The following GABPB1 variants were observed in gnomAD, a reference collection of about 807,000 sequenced individuals.
The protein encoded by GABPB1 is GA-binding protein subunit beta-1.
A neutral mutation model predicts 45.9 loss-of-function variants in GABPB1; 15 were observed. The ratio of observed to expected loss-of-function variants is 0.33; its 90% CI spans 0.22 to 0.50. The LOEUF (loss-of-function observed/expected upper bound fraction) is 0.50. GABPB1 is among the 20% of genes least tolerant of loss of function. The pLI is 0.98. For synonymous variants in GABPB1, 143 were observed against 154.4 expected, an observed-to-expected ratio of 0.93 and a Z score of 0.55; for missense variants, 252 against 457.5, an observed-to-expected ratio of 0.55 and a Z score of 4.10.
At chr15:50,318,269 G>C (rs1195060053) in intron 1 of GABPB1, among the ~76,000 whole-genome samples, 1 of 152,134 alleles carries the variant, frequency 6.6e-6, no homozygotes. Context: ...AAGAACACTA[G>C]GAATCTGCTG....
At chr15:50,281,442 A>T (rs1373903498) in intron 8 of GABPB1, among the ~76,000 whole-genome samples, 1 of 152,108 alleles carries the variant, frequency 6.6e-6, no homozygotes, top group Non-Finnish European at 1.5e-5. Flanking sequence ...CAATCTCCTG[A>T]CCTCGTGATC....
chr15:50,346,855 T>C (rs533357262), intron 1 of GABPB1, among the ~76,000 whole-genome samples: 3 of 148,738 alleles, frequency 2.0e-5, no homozygotes, highest in African/African-American at 5.0e-5. Context: ...TGGCGCCATC[T>C]CGGCTCACTG....
chr15:50,282,237 A>G, intron 8 of GABPB1: 1 of 452,438 alleles, frequency 2.2e-6, no homozygotes, highest in Non-Finnish European at 4.4e-6. Context: ...ACATACATAC[A>G]TAAAAACACT....
chr15:50,317,337 G>A, intron 1 of GABPB1, among the ~76,000 whole-genome samples: 1 of 150,174 alleles, frequency 6.7e-6, no homozygotes, highest in South Asian at 2.1e-4. Context: ...CCGGGAGGCA[G>A]AGGTTGCAGT....
intron 1 of GABPB1, chr15:50,352,792 G>C (rs1301080376): frequency 6.6e-6 from 1 of 152,224 alleles, no homozygotes; most frequent in Non-Finnish European, 1.5e-5. Flanking sequence ...TCAGACTACA[G>C]TTCACAGAAA....
intron 6 of GABPB1, among the ~76,000 whole-genome samples, chr15:50,298,381 C>A (rs1009901412): frequency 3.3e-5 from 5 of 152,156 alleles, no homozygotes; most frequent in African/African-American, 7.2e-5. Context: ...CCACCACACC[C>A]GGCCAGAGGT....
chr15:50,276,068 G>A lies in GABPB1; in HGVS notation c.*2564C>T, dbSNP rs757305612. 1.3e-5 allele frequency: 2 copies of A among 152,228 alleles called. No individual in the cohort carries two copies. The highest frequency in any genetic ancestry group is 2.4e-5 in the African/African-American group (1 of 41,462). The allele number at this position is 152,228 out of a possible 1,614,324, so 9.4% of individuals were successfully genotyped here. A position where few individuals can be genotyped will look rare whatever the true frequency, so the allele number is the denominator to read the frequency against. On this transcript the variant is annotated 3_prime_UTR_variant, in exon 9 of 9. Transcript: ENST00000380877. The stretch of plus-strand genomic sequence containing the variant: ...ATTACACCATAACACTAAATGGCTT[G>A]TCTTGCAGAACCCTGGTTGAGAAAG...
At chr15:50,294,384 C>A (rs762831531) in intron 6 of GABPB1, among the ~76,000 whole-genome samples, 1 of 151,878 alleles carries the variant, frequency 6.6e-6, no homozygotes, top group East Asian at 1.9e-4. Flanking sequence ...CGTGGTGGCA[C>A]GTGCCTGTAG....
chr15:50,354,878 T>G (rs1368929508), intron 1 of GABPB1, 107 bp downstream of exon 1: 2 of 220,742 alleles, frequency 9.1e-6, no homozygotes, highest in Non-Finnish European at 1.8e-5. Flanking sequence ...AAACAGGAAA[T>G]CGCGGGGATG....
chr15:50,297,597 C>T (rs1160415305), intron 6 of GABPB1, among the ~76,000 whole-genome samples: 1 of 152,218 alleles, frequency 6.6e-6, no homozygotes, highest in Non-Finnish European at 1.5e-5. Context: ...GTAACCTCAG[C>T]ACTCTGAGAG....
At chr15:50,342,658 T>G (rs1240871414) in intron 1 of GABPB1, among the ~76,000 whole-genome samples, 1 of 152,196 alleles carries the variant, frequency 6.6e-6, no homozygotes, top group Non-Finnish European at 1.5e-5. Context: ...GTGAAATCAC[T>G]TTAGTAGGTT....
chr15:50,298,855 G>C (rs1365993528), intron 6 of GABPB1, among the ~76,000 whole-genome samples: 3 of 151,816 alleles, frequency 2.0e-5, no homozygotes, highest in East Asian at 1.9e-4. Flanking sequence ...GGGAGGCTGA[G>C]GCAGGAGAAC....
intron 1 of GABPB1, among the ~76,000 whole-genome samples, chr15:50,343,780 G>T (rs573207800): frequency 2.5e-4 from 38 of 151,528 alleles, no homozygotes; most frequent in Non-Finnish European, 5.3e-4. Flanking sequence ...CTCATGATCT[G>T]CCCGCCTCGG....
chr15:50,298,630 T>C (rs2046609757), intron 6 of GABPB1, among the ~76,000 whole-genome samples: 1 of 152,120 alleles, frequency 6.6e-6, no homozygotes, highest in Non-Finnish European at 1.5e-5. Flanking sequence ...ATTATAATGC[T>C]ACAGAAGCTA....
intron 1 of GABPB1, chr15:50,349,355 A>G (rs1001863064): frequency 6.6e-6 from 1 of 152,228 alleles, no homozygotes; most frequent in Non-Finnish European, 1.5e-5. Flanking sequence ...ACATTTATTG[A>G]GCTATTAACT....
chr15:50,312,233 A>T (rs1036759562), intron 1 of GABPB1, among the ~76,000 whole-genome samples: 30 of 152,260 alleles, frequency 2.0e-4, no homozygotes, highest in African/African-American at 2.6e-4. Flanking sequence ...CAAAAAAAAA[A>T]AATAATCTAT....
intron 3 of GABPB1, 100 bp from the exon 4 acceptor site, chr15:50,303,223 A>T: frequency 1.0e-5 from 9 of 887,604 alleles, no homozygotes; most frequent in Non-Finnish European, 1.0e-5. Flanking sequence ...AAGAACAAAT[A>T]ATGTAGTCAA....
intron 1 of GABPB1, among the ~76,000 whole-genome samples, chr15:50,317,478 CCTT>C (rs1170010291): frequency 1.3e-5 from 2 of 150,764 alleles, no homozygotes; most frequent in Non-Finnish European, 1.5e-5. Flanking sequence ...ATGAATTTTC[CCTT>C]TTTTCTACTT....
intron 7 of GABPB1, among the ~76,000 whole-genome samples, 197 bp from the exon 8 acceptor site, chr15:50,286,380 T>C (rs1029587913): frequency 6.6e-6 from 1 of 152,118 alleles, no homozygotes; most frequent in Non-Finnish European, 1.5e-5. Context: ...TACTGAAATC[T>C]ACTTATTAAA....
Sources: allele counts gnomAD v4.1 joint callset (sites outside exome capture counted in the v4.1 genomes callset), GRCh38; gene constraint gnomAD v4.1.1; transcripts MANE v1.5; gene names NCBI Gene and HGNC (gene_info 2026-07-23, HGNC 2026-07-21).